FUT9: variants seen among roughly 807,000 people sequenced by gnomAD.
FUT9 encodes fucosyltransferase 9.
A neutral mutation model predicts 29.7 loss-of-function variants in FUT9; 15 were observed. That is an observed-to-expected ratio of 0.51 (90% confidence interval 0.34 to 0.78). FUT9 has a LOEUF of 0.78. FUT9 is among the 30% of genes least tolerant of loss of function. The probability of loss-of-function intolerance (pLI) is 0.01; values close to 1 mark genes in which losing one functional copy is unlikely to be tolerated. For missense variants in FUT9, 319 were observed against 425.4 expected (o/e 0.75, Z 2.20); for synonymous variants, 169 against 153.7 (o/e 1.10, Z -0.74).
At chr6:96,103,911 G>T (rs772503110) in intron 1 of FUT9, among the ~76,000 whole-genome samples, 1 of 152,194 alleles carries the variant, frequency 6.6e-6, no homozygotes, top group Non-Finnish European at 1.5e-5. Flanking sequence ...GGCAAATGAT[G>T]TATTTCCCAA....
chr6:96,083,940 C>G (rs1771278194), intron 1 of FUT9, among the ~76,000 whole-genome samples: 1 of 151,944 alleles, frequency 6.6e-6, no homozygotes, highest in African/African-American at 2.4e-5. Context: ...TTGTGTCAAG[C>G]ATAGAAAAGG....
intron 2 of FUT9, among the ~76,000 whole-genome samples, chr6:96,125,883 A>G (rs979460216): frequency 1.3e-5 from 2 of 152,114 alleles, no homozygotes; most frequent in Non-Finnish European, 2.9e-5. Context: ...TTTCTATGTC[A>G]TTAATTCATG....
intron 1 of FUT9, among the ~76,000 whole-genome samples, chr6:96,094,000 T>C (rs1771455785): frequency 6.6e-6 from 1 of 152,284 alleles, no homozygotes; most frequent in Non-Finnish European, 1.5e-5. Flanking sequence ...GAGGCTGGAA[T>C]GTATATGTCA....
chr6:96,204,525 G>T lies in FUT9; in HGVS notation c.*290G>T. On this transcript the variant is annotated 3_prime_UTR_variant, in exon 3 of 3. Transcript: ENST00000302103. The stretch of plus-strand genomic sequence containing the variant: ...TCACATTTTTGTAGTTGTCCATAAT[G>T]TAAGCTTGTGGTTTGATTATTGTTT... The T allele has an allele frequency of 5.0e-6, 1 of 200,386 alleles. No individual in the cohort carries two copies. Among genetic ancestry groups the T allele is most frequent in the Non-Finnish European group, 1.1e-5 (1 of 90,740 alleles). The allele number at this position is 200,386 out of a possible 1,614,324, so 12.4% of individuals were successfully genotyped here.
chr6:96,108,686 C>T (rs1290892973), intron 1 of FUT9, among the ~76,000 whole-genome samples: 6 of 152,128 alleles, frequency 3.9e-5, no homozygotes, highest in Non-Finnish European at 7.4e-5. Context: ...ATGACATTAT[C>T]CTTGTTATGC....
At chr6:96,027,968 C>A (rs190058358) in intron 1 of FUT9, among the ~76,000 whole-genome samples, 1 of 151,496 alleles carries the variant, frequency 6.6e-6, no homozygotes, top group Non-Finnish European at 1.5e-5. Flanking sequence ...CATGTGAATA[C>A]CTTAGAACTT....
intron 1 of FUT9, among the ~76,000 whole-genome samples, chr6:96,102,130 C>G (rs1452440245): frequency 6.6e-6 from 1 of 151,916 alleles, no homozygotes; most frequent in Non-Finnish European, 1.5e-5. Context: ...TTTCTAATAT[C>G]ACATCTTTAT....
chr6:96,053,922 T>C (rs1770717771), intron 1 of FUT9, among the ~76,000 whole-genome samples: 1 of 152,088 alleles, frequency 6.6e-6, no homozygotes. Flanking sequence ...TGAAATTATA[T>C]TTGTGAACAT....
At position 96,204,224 on chromosome 6, in the gene FUT9, T is replaced by G; in HGVS notation, c.1069T>G (p.Phe357Val). ...YKSVGNLEKWFWN is the reference protein window; with the variant it reads ...YKSVGNLEKWVWN ...GTCTGTTGGTAATTTAGAGAAATGG[T>G]TTTGGAATTAAAATTTTTCATCACT... is the stretch of plus-strand genomic sequence containing the variant. The change falls in exon 3 of 3, where the codon TTT (phenylalanine) becomes GTT (valine). Residue 357 changes from phenylalanine (F) to valine (V), a missense_variant. By Grantham distance (50) the Phe-to-Val change is conservative. Coordinates refer to ENST00000302103, the MANE Select transcript of FUT9 (RefSeq NM_006581.4). 6.9e-7 allele frequency: 1 copy of G among 1,443,218 alleles called. No individual in the cohort carries two copies. Among genetic ancestry groups the G allele is most frequent in the Non-Finnish European group, 9.1e-7 (1 of 1,094,810 alleles). The allele number at this position is 1,443,218 out of a possible 1,614,324, so 89.4% of individuals were successfully genotyped here.
chr6:96,162,650 CA>C (rs1448243100), intron 2 of FUT9, among the ~76,000 whole-genome samples: 1 of 152,182 alleles, frequency 6.6e-6, no homozygotes, highest in Non-Finnish European at 1.5e-5. Flanking sequence ...CATAAAACCA[CA>C]CATTAATGTT....
chr6:96,120,905 G>C (rs1278819935), intron 2 of FUT9, among the ~76,000 whole-genome samples: 7 of 151,906 alleles, frequency 4.6e-5, no homozygotes, highest in Non-Finnish European at 5.9e-5. Context: ...CGGGTGGATA[G>C]AGTAGGACAA....
At chr6:96,180,230 G>T (rs1296017783) in intron 2 of FUT9, among the ~76,000 whole-genome samples, 1 of 152,052 alleles carries the variant, frequency 6.6e-6, no homozygotes, top group African/African-American at 2.4e-5. Flanking sequence ...ACTATCCCAG[G>T]TTACTTACAT....
intron 2 of FUT9, among the ~76,000 whole-genome samples, chr6:96,160,233 T>C (rs929751503): frequency 1.3e-5 from 2 of 152,182 alleles, no homozygotes; most frequent in Admixed American, 1.3e-4. Flanking sequence ...TCTGTGCCAA[T>C]GATGGTATTG....
chr6:96,119,086 T>C (rs1771970569), intron 2 of FUT9, among the ~76,000 whole-genome samples: 2 of 152,096 alleles, frequency 1.3e-5, no homozygotes, highest in Non-Finnish European at 2.9e-5. Flanking sequence ...AGAAAAACCT[T>C]TTTATAGGTT....
At chr6:96,180,976 C>T (rs1335594694) in intron 2 of FUT9, among the ~76,000 whole-genome samples, 1 of 150,822 alleles carries the variant, frequency 6.6e-6, no homozygotes, top group Non-Finnish European at 1.5e-5. Flanking sequence ...TCTTTACCTA[C>T]TGGTTCTCAT....
In FUT9 at chr6:96,212,798, T is replaced by C. The variant is rs1364871691; in HGVS notation, c.*8563T>C. ...TTTTTAAATGGAAAAAGTAAGGAGCTAACAAGTCTGTACCTAGATTCAAGT... is the reference window on the plus strand; with the variant it reads ...TTTTTAAATGGAAAAAGTAAGGAGCCAACAAGTCTGTACCTAGATTCAAGT... On this transcript the variant is annotated 3_prime_UTR_variant, in exon 3 of 3. Transcript: ENST00000302103. 3 of 167,272 alleles carry C rather than the reference T, an allele frequency of 1.8e-5. No individual in the cohort carries two copies. The highest frequency in any genetic ancestry group is 4.4e-5 in the Non-Finnish European group (3 of 68,348). 10.4% of individuals were successfully genotyped at this position (167,272 alleles called of 1,614,324 possible). A position where few individuals can be genotyped will look rare whatever the true frequency, so the allele number is the denominator to read the frequency against.
intron 1 of FUT9, among the ~76,000 whole-genome samples, chr6:96,111,099 A>G (rs530821879): frequency 3.3e-5 from 5 of 152,350 alleles, no homozygotes; most frequent in African/African-American, 1.2e-4. Flanking sequence ...TTAAGTTACT[A>G]AGCATCTGGG....
intron 2 of FUT9, among the ~76,000 whole-genome samples, chr6:96,181,509 G>A (rs1248940812): frequency 6.6e-6 from 1 of 151,524 alleles, no homozygotes; most frequent in Non-Finnish European, 1.5e-5. Context: ...GTTATTTAGT[G>A]ATGATTTGTG....
chr6:96,063,775 T>C (rs1231481360), intron 1 of FUT9, among the ~76,000 whole-genome samples: 1 of 152,170 alleles, frequency 6.6e-6, no homozygotes, highest in Admixed American at 6.5e-5. Flanking sequence ...GGAGACGTAA[T>C]TTGGTGAAGG....
Sources: gnomAD v4.1 joint callset for allele counts (sites outside exome capture counted in the v4.1 genomes callset) on GRCh38, gnomAD v4.1.1 for gene constraint, MANE v1.5 for transcripts, NCBI Gene and HGNC (gene_info 2026-07-23, HGNC 2026-07-21) for gene names.